ROR2: variants seen among roughly 807,000 people sequenced by gnomAD.
ROR2 encodes tyrosine-protein kinase transmembrane receptor ROR2.
Under a neutral mutation model 74.9 loss-of-function variants are expected in ROR2, and 33 were observed. The observed-to-expected ratio is 0.44, with a 90% CI of 0.33 to 0.59. The LOEUF is 0.59. Ranked by LOEUF, ROR2 falls within the 20% of genes least tolerant of loss-of-function variation. The pLI is 0.02. For missense variants in ROR2, 1,216 were observed against 1,313.8 expected, an observed-to-expected ratio of 0.93 and a Z score of 1.15; for synonymous variants, 586 against 558.7, an observed-to-expected ratio of 1.05 and a Z score of -0.69.
chr9:91,867,850 C>T (rs1229915528), intron 1 of ROR2, among the ~76,000 whole-genome samples: 1 of 152,146 alleles, frequency 6.6e-6, no homozygotes, highest in Non-Finnish European at 1.5e-5. Context: ...ACTGCAAACA[C>T]GGAAGGCTGT....
intron 1 of ROR2, among the ~76,000 whole-genome samples, chr9:91,917,592 G>A (rs1831168465): frequency 6.6e-6 from 1 of 152,184 alleles, no homozygotes; most frequent in Non-Finnish European, 1.5e-5. Flanking sequence ...GGCACCCAAC[G>A]TTGGCCAACC....
At chr9:91,872,651 C>A (rs149052828) in intron 1 of ROR2, among the ~76,000 whole-genome samples, 9 of 152,282 alleles carry the variant, frequency 5.9e-5, no homozygotes, top group African/African-American at 2.2e-4. Flanking sequence ...GCAGCACTGT[C>A]GACTGCTGAA....
At chr9:91,742,189 C>A (rs13284134) in intron 4 of ROR2, among the ~76,000 whole-genome samples, 247 of 152,238 alleles carry the variant, frequency 1.6e-3, no homozygotes, top group Middle Eastern at 6.8e-3. Context: ...AAGTGGAAAC[C>A]CCTGATAAAC....
intron 1 of ROR2, among the ~76,000 whole-genome samples, chr9:91,782,006 G>A (rs368752775): frequency 1.3e-5 from 2 of 152,230 alleles, no homozygotes; most frequent in Non-Finnish European, 1.5e-5. Context: ...TTAGGTGAAG[G>A]GGGAGAGAGG....
At chr9:91,807,081 T>C (rs1554677277) in intron 1 of ROR2, among the ~76,000 whole-genome samples, 1 of 152,208 alleles carries the variant, frequency 6.6e-6, no homozygotes, top group Non-Finnish European at 1.5e-5. Flanking sequence ...TCCTGCCCCC[T>C]ACCCTGGAAG....
intron 7 of ROR2, among the ~76,000 whole-genome samples, chr9:91,730,059 C>A (rs1238779961): frequency 6.6e-6 from 1 of 152,112 alleles, no homozygotes; most frequent in Non-Finnish European, 1.5e-5. Flanking sequence ...TGGGCTCAAG[C>A]AATCCTCCCA....
At chr9:91,799,333 A>C (rs1268078932) in intron 1 of ROR2, among the ~76,000 whole-genome samples, 2 of 152,146 alleles carry the variant, frequency 1.3e-5, no homozygotes, top group Non-Finnish European at 2.9e-5. Flanking sequence ...CCCCCAACAC[A>C]CAGGACAGCC....
intron 1 of ROR2, among the ~76,000 whole-genome samples, chr9:91,871,634 G>A (rs2119332933): frequency 6.6e-6 from 1 of 152,282 alleles, no homozygotes; most frequent in African/African-American, 2.4e-5. Flanking sequence ...CTGAATCAGA[G>A]TGGGCCCTGT....
chr9:91,845,609 C>T (rs946494717), intron 1 of ROR2, among the ~76,000 whole-genome samples: 2 of 152,196 alleles, frequency 1.3e-5, no homozygotes, highest in African/African-American at 2.4e-5. Flanking sequence ...AGGCTGGGCG[C>T]GGTTGCTCGC....
chr9:91,892,997 C>G (rs1382123287), intron 1 of ROR2, among the ~76,000 whole-genome samples: 2 of 152,242 alleles, frequency 1.3e-5, no homozygotes, highest in Admixed American at 1.3e-4. Context: ...ACAAAAGAAA[C>G]CAAGGGTGAA....
intron 1 of ROR2, among the ~76,000 whole-genome samples, chr9:91,900,364 G>A (rs559134259): frequency 1.3e-5 from 2 of 152,336 alleles, no homozygotes; most frequent in East Asian, 1.9e-4. Context: ...CAATGACAGC[G>A]GCTGAGAGGC....
intron 2 of ROR2, among the ~76,000 whole-genome samples, chr9:91,774,149 G>A (rs967750374): frequency 7.2e-5 from 11 of 152,184 alleles, no homozygotes; most frequent in Admixed American, 7.2e-4. Flanking sequence ...AAGGAAATGT[G>A]GTCCCCAAGG....
Position 91,723,814 on chromosome 9 carries a change from C to A in ROR2, c.2680G>T (p.Ala894Ser). 2 of 1,613,882 alleles carry A rather than the reference C, an allele frequency of 1.2e-6. No homozygotes were observed. The highest frequency in any genetic ancestry group is 1.7e-6 in the Non-Finnish European group (2 of 1,180,042). The stretch of plus-strand genomic sequence containing the variant: ...TCTGGGGCGTTCTGTGTGTCATCAG[C>A]GCCCTCTGAGAGCAGGGCTGCCCTG... ...ADRAALLSEGADDTQNAPEDG... is the reference protein window; with the variant it reads ...ADRAALLSEGSDDTQNAPEDG... The change falls in exon 9 of 9, where the codon GCT (alanine) becomes TCT (serine). Residue 894 changes from alanine to serine, a missense_variant. Ala to Ser is a moderately conservative substitution (Grantham distance 99, BLOSUM62 1). Coordinates refer to ENST00000375708, the MANE Select transcript of ROR2 (RefSeq NM_004560.4).
intron 1 of ROR2, among the ~76,000 whole-genome samples, chr9:91,926,284 G>A (rs1219984307): frequency 2.0e-5 from 3 of 151,968 alleles, no homozygotes; most frequent in African/African-American, 7.2e-5. Flanking sequence ...TTGGGAGGCT[G>A]AGGCAGGAGA....
At chr9:91,774,437 A>G (rs1826348161) in intron 2 of ROR2, among the ~76,000 whole-genome samples, 1 of 152,222 alleles carries the variant, frequency 6.6e-6, no homozygotes, top group African/African-American at 2.4e-5. Context: ...TTGAAGCTCT[A>G]TCCCTCAATG....
chr9:91,842,055 C>G (rs1828797103), intron 1 of ROR2, among the ~76,000 whole-genome samples: 1 of 152,172 alleles, frequency 6.6e-6, no homozygotes, highest in African/African-American at 2.4e-5. Context: ...CTTCCAGTAA[C>G]AGGACTTGGA....
At chr9:91,907,870 C>G (rs1008033824) in intron 1 of ROR2, among the ~76,000 whole-genome samples, 1 of 152,162 alleles carries the variant, frequency 6.6e-6, no homozygotes, top group Non-Finnish European at 1.5e-5. Context: ...GCTGCCCCAC[C>G]CCAGGTCAGC....
intron 1 of ROR2, among the ~76,000 whole-genome samples, chr9:91,882,550 G>A (rs1564017998): frequency 6.6e-6 from 1 of 152,084 alleles, no homozygotes; most frequent in Non-Finnish European, 1.5e-5. Context: ...CTTATCAAAA[G>A]GTCAAAAACA....
At chr9:91,760,115 G>T (rs1316291575) in intron 2 of ROR2, among the ~76,000 whole-genome samples, 1 of 152,190 alleles carries the variant, frequency 6.6e-6, no homozygotes. Context: ...GTTCCTTGTT[G>T]TTCAGTTGGC....
Sources: gnomAD v4.1 joint callset for allele counts (sites outside exome capture counted in the v4.1 genomes callset) on GRCh38, gnomAD v4.1.1 for gene constraint, MANE v1.5 for transcripts, NCBI Gene and HGNC (gene_info 2026-07-23, HGNC 2026-07-21) for gene names.